ZNF585A: variants seen among roughly 807,000 people sequenced by gnomAD.
The protein encoded by ZNF585A is zinc finger protein 585A.
Under a neutral mutation model 14.9 loss-of-function variants are expected in ZNF585A, and 9 were observed. The observed-to-expected ratio is 0.60, with a 90% CI of 0.36 to 1.05. The LOEUF is 1.05. Ranked by LOEUF, ZNF585A falls within the 50% of genes least tolerant of loss-of-function variation. The pLI is 0.01. For synonymous variants in ZNF585A, 276 were observed against 319.9 expected (o/e 0.86, Z 1.46); for missense variants, 726 against 926.4 (o/e 0.78, Z 2.81).
At chr19:37,156,949 C>T (rs1971941353) in intron 2 of ZNF585A, among the ~76,000 whole-genome samples, 1 of 152,220 alleles carries the variant, frequency 6.6e-6, no homozygotes, top group East Asian at 1.9e-4. Context: ...GCTTTGGCCT[C>T]CCAAAGTGCT....
At chr19:37,166,089 C>G (rs552788608) in intron 2 of ZNF585A, among the ~76,000 whole-genome samples, 2 of 152,268 alleles carry the variant, frequency 1.3e-5, no homozygotes, top group South Asian at 2.1e-4. Context: ...TCTTGGCTCA[C>G]TGCAACCTCC....
chr19:37,169,225 C>T (rs1170637188), intron 2 of ZNF585A, among the ~76,000 whole-genome samples: 2 of 151,766 alleles, frequency 1.3e-5, no homozygotes, highest in Non-Finnish European at 2.9e-5. Context: ...GAAATAAGAA[C>T]AAGATGCTAA....
At position 37,169,895 on chromosome 19, in the gene ZNF585A, T is replaced by C; in HGVS notation, c.16A>G (p.Thr6Ala). Residue 6 changes from threonine (T) to alanine (A), a missense_variant, in exon 2 of 5, where the codon ACC becomes GCC. Around this residue, in one of 2 missense-constraint regions of ZNF585A, gnomAD observed 483 missense variants for 542.8 expected, o/e 0.89. Transcript: ENST00000292841. ...AGGGCTGAGGATTTCTGAGGTGAGG[T>C]CCAATTAGCTGGCATGGCCACACTG... MPANW[T>A]SPQKSSALAP... 6.2e-7 allele frequency: 1 copy of C among 1,613,172 alleles called. No homozygotes were observed. Among genetic ancestry groups the C allele is most frequent in the Non-Finnish European group, 8.5e-7 (1 of 1,179,998 alleles).
chr19:37,152,280 T>A lies in ZNF585A; in HGVS notation c.1619A>T (p.His540Leu), dbSNP rs1971844885. The A allele has an allele frequency of 6.2e-7, 1 of 1,614,100 alleles. No individual in the cohort carries two copies. Among genetic ancestry groups the A allele is most frequent in the African/African-American group, 1.3e-5 (1 of 74,920 alleles). The change falls in exon 5 of 5, where the codon CAT (histidine) becomes CTT (leucine). Residue 540 changes from histidine to leucine, a missense_variant. His to Leu is a moderately conservative substitution (Grantham distance 99). This residue lies in a region of ZNF585A where 243 missense variants were observed against 383.6 expected (regional missense o/e 0.63). Transcript: ENST00000292841. Reference sequence around the variant, plus strand: ...TCTCTCTCCAGTGTGAATTTTCTGATGTATATTGAGGTGTGACTTCTGAGT... The same window carrying A: ...TCTCTCTCCAGTGTGAATTTTCTGAAGTATATTGAGGTGTGACTTCTGAGT... ...AFTQKSHLNIHQKIHTGERQY... is the reference protein window; with the variant it reads ...AFTQKSHLNILQKIHTGERQY...
rs1243247337 is a variant in ZNF585A at position 37,155,279 on chromosome 19, C to T, written c.292+586G>A. ...CTGGGATTACAGGTGTGAGCCACCG[C>T]GCCCGGCCAAGAAAGATCTTTAATG... On this transcript the variant is annotated intron_variant, in intron 4 of 4. Transcript: ENST00000292841. Among the ~76,000 whole-genome samples, 6 of 151,796 alleles carry T rather than the reference C, an allele frequency of 4.0e-5. No homozygotes were observed. In the East Asian group the frequency reaches 5.9e-4, roughly 15 times the overall value.
Position 37,148,693 on chromosome 19 carries a change from T to G in ZNF585A, c.*2896A>C, listed in dbSNP as rs989539796. ...TATAACTTTAAAAATATTTCAGTTA[T>G]GTCCACACAAAAAGCCTGCACAGAT... On this transcript the variant is annotated 3_prime_UTR_variant, in exon 5 of 5. Transcript: ENST00000292841. The G allele has an allele frequency of 6.6e-6, 1 of 152,206 alleles. No individual in the cohort carries two copies. The highest frequency in any genetic ancestry group is 1.9e-4 in the East Asian group (1 of 5,202). 9.4% of individuals were successfully genotyped at this position (152,206 alleles called of 1,614,324 possible).
At chr19:37,160,871 T>C (rs1972003079) in intron 2 of ZNF585A, among the ~76,000 whole-genome samples, 1 of 152,074 alleles carries the variant, frequency 6.6e-6, no homozygotes, top group African/African-American at 2.4e-5. Context: ...TCTTCTTCTT[T>C]TTAATTTTTT....
intron 2 of ZNF585A, among the ~76,000 whole-genome samples, chr19:37,157,049 T>A (rs1971943341): frequency 6.6e-6 from 1 of 152,204 alleles, no homozygotes; most frequent in Non-Finnish European, 1.5e-5. Flanking sequence ...CAACCTTTTG[T>A]AAGTAACATT....
At chr19:37,157,145 GA>G (rs1222861132) in intron 2 of ZNF585A, among the ~76,000 whole-genome samples, 1 of 152,158 alleles carries the variant, frequency 6.6e-6, no homozygotes, top group African/African-American at 2.4e-5. Flanking sequence ...AAATTTCGAA[GA>G]AACATTTTAT....
chr19:37,167,316 A>G (rs1182140456), intron 2 of ZNF585A, among the ~76,000 whole-genome samples: 1 of 151,922 alleles, frequency 6.6e-6, no homozygotes, highest in African/African-American at 2.4e-5. Flanking sequence ...CTGGGATTAC[A>G]GGTGCCCGCC....
chr19:37,152,564 T>C lies in ZNF585A; in HGVS notation c.1335A>G (p.Lys445=). The part of the protein sequence containing the change: ...EKPHKCGHCG[K]LFTSKSQLHV... ...GGAGTTGCGACTTGGAGGTAAACAA[T>C]TTCCCACAGTGACCACATTTATGAG... is the stretch of plus-strand genomic sequence containing the variant. Residue 445 remains lysine, a synonymous_variant, in exon 5 of 5, where the codon AAA becomes AAG. Coordinates refer to ENST00000292841, the MANE Select transcript of ZNF585A (RefSeq NM_001288800.2). 2 of 1,614,106 alleles carry C rather than the reference T, an allele frequency of 1.2e-6. No individual in the cohort carries two copies. Among genetic ancestry groups the C allele is most frequent in the Non-Finnish European group, 1.7e-6 (2 of 1,179,988 alleles).
At position 37,156,421 on chromosome 19, in the gene ZNF585A, G is replaced by T. The variant is rs1599749333; in HGVS notation, c.73-66C>A. On this transcript the variant is annotated intron_variant, in intron 2 of 4. Transcript: ENST00000292841. ...AGAGGGTTGGAGAGACTATATTTAG[G>T]AATATGGAATACAGGTCTTGTTGTT... The T allele has an allele frequency of 4.5e-6, 7 of 1,564,670 alleles. No individual in the cohort carries two copies. In the East Asian group the frequency reaches 1.4e-4, roughly 30 times the overall value.
chr19:37,169,435 T>TAAAA (rs749236930), intron 2 of ZNF585A, among the ~76,000 whole-genome samples: 4 of 96,414 alleles, frequency 4.1e-5, no homozygotes, highest in Non-Finnish European at 2.2e-5. Flanking sequence ...AACAGAAATG[T>TAAAA]AAAAAAAAAA....
At chr19:37,162,598 G>A (rs1972029027) in intron 2 of ZNF585A, among the ~76,000 whole-genome samples, 1 of 152,140 alleles carries the variant, frequency 6.6e-6, no homozygotes, top group African/African-American at 2.4e-5. Context: ...TGATAAACTG[G>A]ATAAAGAAAA....
rs529095804 is a variant in ZNF585A, at chr19:37,151,425, C to T, written c.*164G>A. ...TGGTGACAATGTAGGAAGGGTCCCTCGCCTCATTCAGTGCCTTCTCAGAGG... is the reference window on the plus strand; with the variant it reads ...TGGTGACAATGTAGGAAGGGTCCCTTGCCTCATTCAGTGCCTTCTCAGAGG... On this transcript the variant is annotated 3_prime_UTR_variant, in exon 5 of 5. Transcript: ENST00000292841. 5.4e-5 allele frequency: 34 copies of T among 625,946 alleles called. No individual in the cohort carries two copies. Among genetic ancestry groups the T allele is most frequent in the South Asian group, 3.7e-4 (16 of 43,580 alleles). 38.8% of individuals were successfully genotyped at this position (625,946 alleles called of 1,614,324 possible). A position where few individuals can be genotyped will look rare whatever the true frequency, so the allele number is the denominator to read the frequency against.
At chr19:37,168,464 A>G (rs566769757) in intron 2 of ZNF585A, among the ~76,000 whole-genome samples, 1 of 152,274 alleles carries the variant, frequency 6.6e-6, no homozygotes, top group Admixed American at 6.5e-5. Context: ...CCACTCTGTC[A>G]TTATACTTGA....
intron 2 of ZNF585A, among the ~76,000 whole-genome samples, chr19:37,164,219 C>T (rs1311619348): frequency 1.3e-5 from 2 of 151,854 alleles, no homozygotes; most frequent in African/African-American, 4.8e-5. Context: ...GAGATCGAGA[C>T]CATCCTGGCT....
chr19:37,168,665 G>T (rs1311841003), intron 2 of ZNF585A, among the ~76,000 whole-genome samples: 1 of 152,196 alleles, frequency 6.6e-6, no homozygotes, highest in Non-Finnish European at 1.5e-5. Context: ...GAGGTTCAGT[G>T]AAATTCAGCT....
chr19:37,171,870 T>C (rs1972187581), intron 1 of ZNF585A, among the ~76,000 whole-genome samples: 2 of 151,260 alleles, frequency 1.3e-5, no homozygotes, highest in African/African-American at 4.9e-5. Context: ...GCCACTGCAC[T>C]CCAACTTGGG....
Sources: gnomAD v4.1 joint callset for allele counts (sites outside exome capture counted in the v4.1 genomes callset) on GRCh38, gnomAD v4.1.1 for gene constraint, gnomAD v4.1.1 regional missense constraint, MANE v1.5 for transcripts, NCBI Gene and HGNC (gene_info 2026-07-23, HGNC 2026-07-21) for gene names.